Variants in SFMBT1 observed in about 807,000 individuals in gnomAD.
The protein encoded by SFMBT1 is scm-like with four MBT domains protein 1.
In SFMBT1, 32 loss-of-function variants were observed where a neutral mutation model predicts 108.7. The observed-to-expected ratio is 0.29, with a 90% CI of 0.22 to 0.40. SFMBT1 has a LOEUF of 0.40. SFMBT1 is among the 10% of genes least tolerant of loss of function. The probability of loss-of-function intolerance (pLI) is 1.00; values close to 1 mark genes in which losing one functional copy is unlikely to be tolerated. For missense variants in SFMBT1, 816 were observed against 1,059.6 expected (o/e 0.77, Z 3.19); for synonymous variants, 348 against 369.5 (o/e 0.94, Z 0.67).
intron 1 of SFMBT1, among the ~76,000 whole-genome samples, chr3:53,012,122 G>GT (rs1352465529): frequency 1.3e-5 from 2 of 152,190 alleles, no homozygotes; most frequent in Non-Finnish European, 2.9e-5. Flanking sequence ...ACAAAGAGGA[G>GT]TGCACCAATG....
chr3:53,034,037 T>C (rs866534922), intron 1 of SFMBT1, among the ~76,000 whole-genome samples: 1 of 117,798 alleles, frequency 8.5e-6, no homozygotes, highest in Non-Finnish European at 1.6e-5. Flanking sequence ...GCCATTGCAC[T>C]CCAGCCTGGG....
At chr3:52,916,267 G>C in intron 13 of SFMBT1, 53 bp from the exon 14 acceptor site, 1 of 1,511,884 alleles carries the variant, frequency 6.6e-7, no homozygotes, top group Non-Finnish European at 9.1e-7. Context: ...GATCAGTAAA[G>C]TGTGAGGCTT....
intron 10 of SFMBT1, 48 bp downstream of exon 10, chr3:52,925,983 G>C (rs755547391): frequency 1.5e-6 from 2 of 1,361,402 alleles, no homozygotes; most frequent in South Asian, 2.6e-5. Context: ...AAGCACAGCA[G>C]TCCCTGCAGC....
chr3:53,044,104 A>G (rs998989000), intron 1 of SFMBT1, among the ~76,000 whole-genome samples: 1 of 152,254 alleles, frequency 6.6e-6, no homozygotes, highest in African/African-American at 2.4e-5. Context: ...CCATAAAAAT[A>G]CATTGTTAAA....
intron 1 of SFMBT1, among the ~76,000 whole-genome samples, chr3:53,019,874 T>C (rs1396635689): frequency 6.6e-6 from 1 of 152,166 alleles, no homozygotes; most frequent in Non-Finnish European, 1.5e-5. Context: ...TACTGGGATA[T>C]ACGAGGCCCT....
intron 1 of SFMBT1, among the ~76,000 whole-genome samples, chr3:53,036,575 A>C (rs1285005400): frequency 6.6e-6 from 1 of 152,190 alleles, no homozygotes; most frequent in Non-Finnish European, 1.5e-5. Context: ...TCTATTTTGG[A>C]CCTGTGGATT....
At chr3:53,015,182 C>T (rs1281699144) in intron 1 of SFMBT1, among the ~76,000 whole-genome samples, 3 of 151,014 alleles carry the variant, frequency 2.0e-5, no homozygotes, top group Non-Finnish European at 4.4e-5. Flanking sequence ...GCACTCCAGC[C>T]TGGGTGACAG....
At position 52,921,485 on chromosome 3, in the gene SFMBT1, G is replaced by A. The variant is rs187381390; in HGVS notation, c.1258+220C>T. On this transcript the variant is annotated intron_variant, in intron 11 of 20. Transcript: ENST00000394752. ...CCCCTTCCAGAAAATAGGGGACTCT[G>A]TAGTAAAGAATTTTTATTCATATTC... 4.5e-3 allele frequency among the ~76,000 whole-genome samples: 689 copies of A among 152,250 alleles called. 7 individuals are homozygous for A. Among genetic ancestry groups the A allele is most frequent in the African/African-American group, 0.016 (661 of 41,528 alleles).
At chr3:52,989,056 A>G (rs1014125109) in intron 1 of SFMBT1, among the ~76,000 whole-genome samples, 1 of 151,346 alleles carries the variant, frequency 6.6e-6, no homozygotes, top group Non-Finnish European at 1.5e-5. Flanking sequence ...TTAAATCTCT[A>G]CACCTGTTAA....
At chr3:52,916,658 G>A (rs1408241444) in intron 13 of SFMBT1, among the ~76,000 whole-genome samples, 1 of 150,914 alleles carries the variant, frequency 6.6e-6, no homozygotes, top group Non-Finnish European at 1.5e-5. Flanking sequence ...AACAAAGCAG[G>A]ACTCTGTGTC....
At chr3:52,994,045 C>T (rs2336720) in intron 1 of SFMBT1, among the ~76,000 whole-genome samples, 47,439 of 149,608 alleles carry the variant, frequency 0.32, 9,816 homozygotes, top group Middle Eastern at 0.44. Flanking sequence ...ATACAGTTTC[C>T]AACAGAAGGG....
chr3:52,965,566 A>C (rs897970000), intron 2 of SFMBT1, among the ~76,000 whole-genome samples: 3 of 152,176 alleles, frequency 2.0e-5, no homozygotes, highest in African/African-American at 7.2e-5. Flanking sequence ...AAGTAGCACA[A>C]TTATTTTCTG....
At chr3:52,983,680 G>A (rs1246787200) in intron 1 of SFMBT1, among the ~76,000 whole-genome samples, 5 of 152,144 alleles carry the variant, frequency 3.3e-5, no homozygotes, top group Non-Finnish European at 7.4e-5. Context: ...GAATATTCAA[G>A]GCAGAAAAAC....
chr3:52,965,325 T>A (rs1452429164), intron 2 of SFMBT1, among the ~76,000 whole-genome samples: 18 of 143,532 alleles, frequency 1.3e-4, no homozygotes, highest in East Asian at 4.1e-4. Flanking sequence ...GAGAAAACAT[T>A]AAAAAAAAAA....
chr3:53,042,489 A>G (rs1398313843), intron 1 of SFMBT1, among the ~76,000 whole-genome samples: 5 of 152,076 alleles, frequency 3.3e-5, no homozygotes, highest in Admixed American at 3.3e-4. Flanking sequence ...ATAGGTGCCC[A>G]CCACCGCGCC....
chr3:52,988,279 T>C (rs1414274785), intron 1 of SFMBT1, among the ~76,000 whole-genome samples: 3 of 152,226 alleles, frequency 2.0e-5, no homozygotes, highest in African/African-American at 2.4e-5. Flanking sequence ...ACACATATGC[T>C]GTACAATTAA....
chr3:52,906,378 G>A, intron 19 of SFMBT1, 137 bp from the exon 20 acceptor site: 1 of 1,272,076 alleles, frequency 7.9e-7, no homozygotes, highest in Non-Finnish European at 1.1e-6. Context: ...CAGCAAAGAT[G>A]GCAAAGACCC....
At position 53,027,444 on chromosome 3, in the gene SFMBT1, T is replaced by C. The variant is rs1030106322; in HGVS notation, c.-131+18372A>G. 3.3e-5 allele frequency among the ~76,000 whole-genome samples: 5 copies of C among 152,244 alleles called. No individual in the cohort carries two copies. The East Asian group carries it at 5.8e-4, about 18-fold the overall frequency. Reference sequence around the variant, plus strand: ...GCATTCCCTAAACCCCTGGCACCACTGCTTCATGTCACAGCTACTTAGTGT... The same window carrying C: ...GCATTCCCTAAACCCCTGGCACCACCGCTTCATGTCACAGCTACTTAGTGT... On this transcript the variant is annotated intron_variant, in intron 1 of 20. Transcript: ENST00000394752.
At chr3:53,037,282 T>C (rs1017746694) in intron 1 of SFMBT1, among the ~76,000 whole-genome samples, 7 of 152,152 alleles carry the variant, frequency 4.6e-5, no homozygotes, top group Non-Finnish European at 8.8e-5. Flanking sequence ...TCCCTTGTCA[T>C]AGCCATTCCT....
Sources: allele counts gnomAD v4.1 joint callset (sites outside exome capture counted in the v4.1 genomes callset), GRCh38; gene constraint gnomAD v4.1.1; transcripts MANE v1.5; gene names NCBI Gene and HGNC (gene_info 2026-07-23, HGNC 2026-07-21).